The following MYRIP variants were observed in gnomAD, a reference collection of about 807,000 sequenced individuals.
The protein encoded by MYRIP is myosin VIIA and Rab interacting protein, also known as rab effector MyRIP.
In MYRIP, 49 loss-of-function variants were observed where a neutral mutation model predicts 98.0. The observed-to-expected ratio is 0.50, with a 90% confidence interval of 0.40 to 0.63. The LOEUF (loss-of-function observed/expected upper bound fraction) is 0.63, where lower values mean the gene tolerates loss of function less well. Ranked by LOEUF, MYRIP falls within the 30% of genes least tolerant of loss-of-function variation. MYRIP has a pLI of 0.00. For missense variants in MYRIP, 1,004 were observed against 1,058.2 expected, an observed-to-expected ratio of 0.95 and a Z score of 0.71; for synonymous variants, 404 against 409.5, an observed-to-expected ratio of 0.99 and a Z score of 0.16.
At chr3:40,089,492 CA>C (rs1450568812) in intron 3 of MYRIP, among the ~76,000 whole-genome samples, 1 of 152,146 alleles carries the variant, frequency 6.6e-6, no homozygotes, top group African/African-American at 2.4e-5. Context: ...CAGGTTCTTC[CA>C]GGCATGAGAC....
At chr3:40,211,448 C>T (rs1286399682) in intron 11 of MYRIP, among the ~76,000 whole-genome samples, 1 of 152,122 alleles carries the variant, frequency 6.6e-6, no homozygotes, top group Non-Finnish European at 1.5e-5. Context: ...TTTTCCCATC[C>T]CACCCTCCAT....
At chr3:40,140,023 TC>T (rs777412654) in intron 3 of MYRIP, among the ~76,000 whole-genome samples, 4 of 152,248 alleles carry the variant, frequency 2.6e-5, no homozygotes, top group Non-Finnish European at 5.9e-5. Context: ...TCTTGTGCCA[TC>T]TTTTTATTTT....
chr3:39,957,642 C>T (rs1559536737), intron 2 of MYRIP, among the ~76,000 whole-genome samples: 1 of 152,162 alleles, frequency 6.6e-6, no homozygotes, highest in Non-Finnish European at 1.5e-5. Flanking sequence ...CCTCTCTCAC[C>T]ACTCCTATTC....
chr3:40,064,379 T>G (rs956388126), intron 3 of MYRIP, among the ~76,000 whole-genome samples: 3 of 152,166 alleles, frequency 2.0e-5, no homozygotes, highest in African/African-American at 7.2e-5. Context: ...CCTTGCTCTC[T>G]TTATCTATAA....
At chr3:40,159,062 G>C (rs569620011) in intron 4 of MYRIP, among the ~76,000 whole-genome samples, 2 of 151,474 alleles carry the variant, frequency 1.3e-5, no homozygotes, top group South Asian at 4.2e-4. Context: ...TATTTTGCTC[G>C]TTAGTTGATG....
At chr3:40,026,564 T>C (rs1947134698) in intron 2 of MYRIP, among the ~76,000 whole-genome samples, 1 of 152,162 alleles carries the variant, frequency 6.6e-6, no homozygotes, top group Non-Finnish European at 1.5e-5. Flanking sequence ...AGAGAAGTGA[T>C]AAATGTCCAT....
intron 1 of MYRIP, among the ~76,000 whole-genome samples, chr3:39,823,924 T>C (rs1450631437): frequency 4.6e-5 from 7 of 152,194 alleles, no homozygotes; most frequent in Admixed American, 3.9e-4. Context: ...CATAAAATCT[T>C]TTTCCAGATC....
At chr3:39,817,785 A>C in intron 1 of MYRIP, among the ~76,000 whole-genome samples, 1 of 152,168 alleles carries the variant, frequency 6.6e-6, no homozygotes, top group East Asian at 1.9e-4. Flanking sequence ...GTAAAGTTGT[A>C]TATCAAAATT....
chr3:40,058,692 C>A (rs1947934989), intron 3 of MYRIP, among the ~76,000 whole-genome samples: 1 of 150,042 alleles, frequency 6.7e-6, no homozygotes. Flanking sequence ...TTTCCCTTCC[C>A]CCAGAGATAA....
rs190261383 is a variant in MYRIP, at chr3:39,973,547, C to A, written c.111-70503C>A. On this transcript the variant is annotated intron_variant, in intron 2 of 16. Transcript: ENST00000302541. ...GAACTGAACTCAGCTCTGCACCAAG[C>A]GGACCTAGTAGACATCTACAGAACT... 2.6e-5 allele frequency among the ~76,000 whole-genome samples: 4 copies of A among 152,072 alleles called. No homozygotes were observed. In the East Asian group the frequency reaches 7.7e-4, roughly 29 times the overall value.
intron 1 of MYRIP, among the ~76,000 whole-genome samples, chr3:39,820,875 C>G (rs975143140): frequency 3.9e-5 from 6 of 152,138 alleles, no homozygotes; most frequent in African/African-American, 1.2e-4. Context: ...AGGTCTGAAT[C>G]CTTCCTTTTG....
intron 1 of MYRIP, among the ~76,000 whole-genome samples, chr3:39,856,458 C>A (rs1942298250): frequency 6.6e-6 from 1 of 152,174 alleles, no homozygotes; most frequent in Non-Finnish European, 1.5e-5. Context: ...GCCTGCAGCC[C>A]CATTTGAATG....
chr3:39,999,680 A>G (rs1052792713), intron 2 of MYRIP, among the ~76,000 whole-genome samples: 1 of 152,224 alleles, frequency 6.6e-6, no homozygotes, highest in Non-Finnish European at 1.5e-5. Context: ...TACTGGGTAT[A>G]TACCTAAAGG....
intron 3 of MYRIP, among the ~76,000 whole-genome samples, chr3:40,096,062 C>T (rs999931215): frequency 6.6e-6 from 1 of 151,754 alleles, no homozygotes; most frequent in African/African-American, 2.4e-5. Flanking sequence ...CTCCAGCACC[C>T]ACACCCCCAA....
intron 4 of MYRIP, among the ~76,000 whole-genome samples, chr3:40,158,245 C>T (rs1418201021): frequency 1.3e-5 from 2 of 152,060 alleles, no homozygotes; most frequent in South Asian, 2.1e-4. Context: ...GCCTTTATTT[C>T]GTTATGTACC....
chr3:39,953,912 C>T (rs532228952), intron 2 of MYRIP, among the ~76,000 whole-genome samples: 2 of 152,290 alleles, frequency 1.3e-5, no homozygotes, highest in South Asian at 4.2e-4. Flanking sequence ...TCGCTTACTG[C>T]TAGCACAGCC....
At position 39,952,131 on chromosome 3, in the gene MYRIP, T is replaced by C. The variant is rs553265735; in HGVS notation, c.110+51205T>C. On this transcript the variant is annotated intron_variant, in intron 2 of 16. Transcript: ENST00000302541. Reference sequence around the variant, plus strand: ...AGATTTGCCTTATCTGGAAATTTCATATGTATAGGATATAATACATCATCT... The same window carrying C: ...AGATTTGCCTTATCTGGAAATTTCACATGTATAGGATATAATACATCATCT... Among the ~76,000 whole-genome samples the C allele has an allele frequency of 1.5e-3, 221 of 152,332 alleles. 4 individuals carry two copies. The South Asian group carries it at 0.044, about 30-fold the overall frequency.
chr3:40,030,617 T>C (rs1947238204), intron 2 of MYRIP, among the ~76,000 whole-genome samples: 1 of 152,112 alleles, frequency 6.6e-6, no homozygotes, highest in Admixed American at 6.6e-5. Context: ...AAATGGTATA[T>C]CCATAAATTG....
intron 5 of MYRIP, among the ~76,000 whole-genome samples, chr3:40,165,242 T>C (rs1412071884): frequency 3.3e-5 from 5 of 152,224 alleles, no homozygotes; most frequent in Non-Finnish European, 5.9e-5. Context: ...GGCTCTATCA[T>C]GACTGTCATA....
Sources: allele counts gnomAD v4.1 joint callset (sites outside exome capture counted in the v4.1 genomes callset), GRCh38; gene constraint gnomAD v4.1.1; transcripts MANE v1.5; gene names NCBI Gene and HGNC (gene_info 2026-07-23, HGNC 2026-07-21).